The following LRRTM4 variants were observed in gnomAD, a reference collection of about 807,000 sequenced individuals.
The protein encoded by LRRTM4 is leucine-rich repeat transmembrane neuronal protein 4.
Under a neutral mutation model 47.6 loss-of-function variants are expected in LRRTM4, and 25 were observed. The observed-to-expected ratio is 0.53, with a 90% CI of 0.38 to 0.73. The LOEUF (loss-of-function observed/expected upper bound fraction) is 0.73, where lower values mean the gene tolerates loss of function less well. Among genes scored for constraint, LRRTM4 ranks in the 30% least tolerant of loss-of-function variants. The probability of loss-of-function intolerance (pLI) is 0.00; values close to 1 mark genes in which losing one functional copy is unlikely to be tolerated. For synonymous variants in LRRTM4, 311 were observed against 269.5 expected (o/e 1.15, Z -1.51); for missense variants, 638 against 713.4 (o/e 0.89, Z 1.20).
chr2:77,013,573 A>C (rs1267609071), intron 3 of LRRTM4, among the ~76,000 whole-genome samples: 1 of 152,140 alleles, frequency 6.6e-6, no homozygotes, highest in Non-Finnish European at 1.5e-5. Flanking sequence ...AGATCTTCCA[A>C]AACAATTGAC....
chr2:77,494,309 T>G (rs1368584959), intron 3 of LRRTM4, among the ~76,000 whole-genome samples: 1 of 152,058 alleles, frequency 6.6e-6, no homozygotes, highest in Non-Finnish European at 1.5e-5. Flanking sequence ...ATCTGTTTGT[T>G]TTTGGTTTTG....
intron 3 of LRRTM4, among the ~76,000 whole-genome samples, chr2:76,973,940 C>T (rs1210186453): frequency 6.6e-6 from 1 of 151,560 alleles, no homozygotes; most frequent in Non-Finnish European, 1.5e-5. Flanking sequence ...ATGAAACATA[C>T]ATTCAGAAAC....
In LRRTM4 at chr2:76,989,065, C is replaced by T. The variant is rs184551830; in HGVS notation, c.1552-240149G>A. Among the ~76,000 whole-genome samples the T allele has an allele frequency of 2.0e-5, 3 of 151,930 alleles. No homozygotes were observed. In the East Asian group the frequency reaches 5.8e-4, roughly 30 times the overall value. On this transcript the variant is annotated intron_variant, in intron 3 of 3. Transcript: ENST00000409884. ...ATAATTTTTCCCAACAATTTCAATG[C>T]TTCTCAAATAGTTATTTTAGGCAAT...
chr2:77,145,358 G>A (rs758586235), intron 3 of LRRTM4, among the ~76,000 whole-genome samples: 20 of 151,216 alleles, frequency 1.3e-4, no homozygotes, highest in East Asian at 3.9e-4. Context: ...TTTTTTCATC[G>A]TATATATTTT....
intron 3 of LRRTM4, among the ~76,000 whole-genome samples, chr2:77,108,622 C>A (rs1212228601): frequency 4.2e-5 from 6 of 142,026 alleles, no homozygotes. Context: ...CTCGCTCTGT[C>A]GCCCAGGCTG....
intron 3 of LRRTM4, among the ~76,000 whole-genome samples, chr2:77,265,330 T>C (rs1676022648): frequency 6.6e-6 from 1 of 152,108 alleles, no homozygotes; most frequent in Non-Finnish European, 1.5e-5. Context: ...GGTGGAAACT[T>C]GAAGAGATAA....
intron 3 of LRRTM4, among the ~76,000 whole-genome samples, chr2:77,025,290 C>A (rs1407901999): frequency 6.6e-6 from 1 of 152,140 alleles, no homozygotes; most frequent in African/African-American, 2.4e-5. Context: ...ACTACAAAAT[C>A]TAGATACCCT....
At chr2:77,400,568 T>C (rs2103835059) in intron 3 of LRRTM4, among the ~76,000 whole-genome samples, 1 of 152,000 alleles carries the variant, frequency 6.6e-6, no homozygotes, top group East Asian at 1.9e-4. Flanking sequence ...ATTAGTCTCA[T>C]GATGATATAG....
intron 3 of LRRTM4, among the ~76,000 whole-genome samples, chr2:77,018,196 T>G (rs941030831): frequency 1.3e-5 from 2 of 151,232 alleles, no homozygotes; most frequent in Non-Finnish European, 2.9e-5. Context: ...AAAGAAAAAT[T>G]TTTTTTGTTT....
At chr2:77,366,167 C>G (rs1324389869) in intron 3 of LRRTM4, among the ~76,000 whole-genome samples, 2 of 147,756 alleles carry the variant, frequency 1.4e-5, no homozygotes, top group African/African-American at 4.9e-5. Flanking sequence ...CTACCTACCC[C>G]TCAAACATTC....
chr2:76,806,573 C>T (rs1397606579), intron 3 of LRRTM4, among the ~76,000 whole-genome samples: 2 of 150,314 alleles, frequency 1.3e-5, no homozygotes, highest in African/African-American at 2.5e-5. Flanking sequence ...AAGAGGAAAA[C>T]CCCGTCTCAA....
intron 3 of LRRTM4, among the ~76,000 whole-genome samples, chr2:77,267,061 C>T (rs189976810): frequency 1.3e-5 from 2 of 152,226 alleles, no homozygotes; most frequent in East Asian, 1.9e-4. Context: ...ACAGTTGAAG[C>T]CACAAGGAAA....
chr2:76,977,091 C>A (rs1000451305), intron 3 of LRRTM4, among the ~76,000 whole-genome samples: 1 of 151,554 alleles, frequency 6.6e-6, no homozygotes, highest in African/African-American at 2.4e-5. Context: ...AAAACTCTTA[C>A]CTTTGAGCTA....
intron 3 of LRRTM4, among the ~76,000 whole-genome samples, chr2:76,888,838 A>G (rs1673161966): frequency 6.6e-6 from 1 of 151,876 alleles, no homozygotes; most frequent in Non-Finnish European, 1.5e-5. Context: ...ATGAACTGTT[A>G]ATTAAGCCAG....
At chr2:76,820,040 C>T (rs1671009811) in intron 3 of LRRTM4, among the ~76,000 whole-genome samples, 1 of 151,932 alleles carries the variant, frequency 6.6e-6, no homozygotes, top group Non-Finnish European at 1.5e-5. Context: ...CCCCAGTTCT[C>T]TTTTCCTTTA....
At chr2:77,269,403 A>C (rs955564908) in intron 3 of LRRTM4, among the ~76,000 whole-genome samples, 1 of 152,202 alleles carries the variant, frequency 6.6e-6, no homozygotes, top group Non-Finnish European at 1.5e-5. Context: ...TAAGTTAAAC[A>C]TAGAAATAAG....
At chr2:77,269,064 T>A (rs972790113) in intron 3 of LRRTM4, among the ~76,000 whole-genome samples, 3 of 152,180 alleles carry the variant, frequency 2.0e-5, no homozygotes, top group Non-Finnish European at 2.9e-5. Context: ...GTCTTCTTTC[T>A]CCCTCTTTCT....
chr2:77,197,369 A>G (rs1011384636), intron 3 of LRRTM4, among the ~76,000 whole-genome samples: 28 of 152,156 alleles, frequency 1.8e-4, no homozygotes, highest in Non-Finnish European at 4.1e-4. Context: ...TAATCTACAC[A>G]TACAAAAAAG....
intron 3 of LRRTM4, among the ~76,000 whole-genome samples, chr2:76,866,943 A>G (rs1394446778): frequency 4.6e-5 from 7 of 152,178 alleles, no homozygotes; most frequent in South Asian, 2.1e-4. Flanking sequence ...GCTGGAAACT[A>G]TCATCCTCAG....
Sources: gnomAD v4.1 joint callset for allele counts (sites outside exome capture counted in the v4.1 genomes callset) on GRCh38, gnomAD v4.1.1 for gene constraint, MANE v1.5 for transcripts, NCBI Gene and HGNC (gene_info 2026-07-23, HGNC 2026-07-21) for gene names.